Variants in SCNN1B observed in about 807,000 individuals in gnomAD.
The protein encoded by SCNN1B is sodium channel epithelial 1 subunit beta.
Under a neutral mutation model 65.3 loss-of-function variants are expected in SCNN1B, and 46 were observed. That is an observed-to-expected ratio of 0.70 (90% CI 0.56 to 0.90). The LOEUF (loss-of-function observed/expected upper bound fraction) is 0.90, where lower values mean the gene tolerates loss of function less well. Among genes scored for constraint, SCNN1B ranks in the 40% least tolerant of loss-of-function variants. The probability of loss-of-function intolerance (pLI) is 0.00; values close to 1 mark genes in which losing one functional copy is unlikely to be tolerated. For missense variants in SCNN1B, 751 were observed against 830.5 expected (o/e 0.90, Z 1.18); for synonymous variants, 349 against 330.6 (o/e 1.06, Z -0.60).
chr16:23,304,069 AC>A (rs1192892479), intron 1 of SCNN1B: 1 of 1,535,824 alleles, frequency 6.5e-7, no homozygotes, highest in East Asian at 2.4e-5. Context: ...GATAATGCCT[AC>A]CGATGGGAAT....
intron 1 of SCNN1B, among the ~76,000 whole-genome samples, chr16:23,333,135 G>GAGGGAGGGAGGGAGGA (rs1596844493): frequency 2.3e-5 from 2 of 88,162 alleles, no homozygotes; most frequent in African/African-American, 1.1e-4. Flanking sequence ...GGGAGGGAGG[G>GAGGGAGGGAGGGAGGA]AGGAAGGAAG....
At chr16:23,373,204 G>A (rs962227409) in intron 7 of SCNN1B, among the ~76,000 whole-genome samples, 4 of 152,220 alleles carry the variant, frequency 2.6e-5, no homozygotes, top group Non-Finnish European at 4.4e-5. Context: ...CTGCAGCCTC[G>A]AACTCTTGGA....
At chr16:23,366,822 C>A (rs753015818) in intron 4 of SCNN1B, among the ~76,000 whole-genome samples, 1 of 152,184 alleles carries the variant, frequency 6.6e-6, no homozygotes, top group Non-Finnish European at 1.5e-5. Flanking sequence ...CCGCTCCCAA[C>A]CTCCTCTTAT....
At chr16:23,310,142 T>C (rs1051183645) in intron 1 of SCNN1B, among the ~76,000 whole-genome samples, 2 of 152,102 alleles carry the variant, frequency 1.3e-5, no homozygotes, top group Admixed American at 6.5e-5. Context: ...TCAGGAAGGC[T>C]GAGGCGAGAG....
chr16:23,287,161 C>T (rs1172555362), intron 2 of SCNN1B, among the ~76,000 whole-genome samples: 5 of 151,688 alleles, frequency 3.3e-5, no homozygotes, highest in South Asian at 2.1e-4. Context: ...CCTACCACCA[C>T]GCCCGGCTAA....
chr16:23,290,757 TTC>T (rs1960911878), intron 2 of SCNN1B, among the ~76,000 whole-genome samples: 3 of 152,212 alleles, frequency 2.0e-5, no homozygotes, highest in Admixed American at 1.3e-4. Flanking sequence ...TAGAAAGGTG[TTC>T]TCTTTTAGTA....
chr16:23,314,259 C>T (rs188319071), intron 1 of SCNN1B, among the ~76,000 whole-genome samples: 409 of 152,118 alleles, frequency 2.7e-3, no homozygotes, highest in African/African-American at 9.7e-3. Flanking sequence ...AACTCCTGGG[C>T]TCACTCAATC....
intron 7 of SCNN1B, among the ~76,000 whole-genome samples, chr16:23,375,531 G>T (rs1465867817): frequency 6.6e-6 from 1 of 152,194 alleles, no homozygotes; most frequent in Non-Finnish European, 1.5e-5. Context: ...CCAGAGACCT[G>T]CTGGGAAGCC....
intron 1 of SCNN1B, among the ~76,000 whole-genome samples, chr16:23,316,452 TCACCATCAC>T (rs1265588991): frequency 6.9e-6 from 1 of 145,264 alleles, no homozygotes; most frequent in African/African-American, 2.6e-5. Flanking sequence ...ATCATCATCA[TCACCATCAC>T]CACCATCACC....
At chr16:23,310,290 C>G (rs1368953439) in intron 1 of SCNN1B, among the ~76,000 whole-genome samples, 1 of 93,004 alleles carries the variant, frequency 1.1e-5, no homozygotes, top group Non-Finnish European at 2.2e-5. Context: ...TCTGCATGAC[C>G]AAAAAAAAAA....
chr16:23,357,514 C>A (rs746959583), intron 4 of SCNN1B, among the ~76,000 whole-genome samples: 1 of 152,148 alleles, frequency 6.6e-6, no homozygotes. Flanking sequence ...ACCCCAGGGG[C>A]GGAGGTTGTA....
chr16:23,291,475 AGT>A (rs71858801), intron 2 of SCNN1B, among the ~76,000 whole-genome samples: 36,861 of 145,192 alleles, frequency 0.25, 4,855 homozygotes, highest in East Asian at 0.36. Flanking sequence ...TGTGTGTGTA[AGT>A]GTGTGTGTGT....
intron 4 of SCNN1B, among the ~76,000 whole-genome samples, chr16:23,357,155 A>T (rs1193711871): frequency 6.6e-6 from 1 of 152,236 alleles, no homozygotes; most frequent in Non-Finnish European, 1.5e-5. Flanking sequence ...CTGAATCTTA[A>T]TGCTATGGGC....
intron 1 of SCNN1B, among the ~76,000 whole-genome samples, chr16:23,279,071 T>TGG (rs1367691917): frequency 7.3e-6 from 1 of 137,478 alleles, no homozygotes; most frequent in African/African-American, 3.2e-5. Flanking sequence ...TTTGTGTGTG[T>TGG]GGGGTGTGTG....
At chr16:23,354,528 A>G (rs1217175716) in intron 3 of SCNN1B, among the ~76,000 whole-genome samples, 2 of 152,222 alleles carry the variant, frequency 1.3e-5, no homozygotes, top group African/African-American at 4.8e-5. Flanking sequence ...GCCGGATGTG[A>G]CCAGATGGAA....
rs570594290 is a variant in SCNN1B at position 23,365,806 on chromosome 16, C to T, written c.777-2050C>T. 1.1e-4 allele frequency among the ~76,000 whole-genome samples: 16 copies of T among 152,298 alleles called. No homozygotes were observed. In the South Asian group the frequency reaches 1.9e-3, roughly 18 times the overall value. On this transcript the variant is annotated intron_variant, in intron 4 of 12. Coordinates refer to ENST00000343070, the MANE Select transcript of SCNN1B (RefSeq NM_000336.3). ...GGTTTCTTCCTGCTTCCCCTTGCAC[C>T]GTTGAGGAAACCCAAGCTCAGAGGT...
chr16:23,343,475 A>AAAGAAAGGAAGGAAGGAAGGAAGGAAGG (rs1962097263), intron 1 of SCNN1B, among the ~76,000 whole-genome samples: 1 of 113,072 alleles, frequency 8.8e-6, no homozygotes, highest in African/African-American at 5.5e-5. Flanking sequence ...GAAAAGAAAG[A>AAAGAAAGGAAGGAAGGAAGGAAGGAAGG]AAGGAAGGAA....
intron 2 of SCNN1B, among the ~76,000 whole-genome samples, chr16:23,285,517 G>T (rs983261531): frequency 2.0e-5 from 3 of 152,078 alleles, no homozygotes; most frequent in African/African-American, 7.2e-5. Flanking sequence ...AGGCATGGTG[G>T]CTTATATGTG....
chr16:23,343,832 C>CT (rs1356427911), intron 1 of SCNN1B, among the ~76,000 whole-genome samples: 1 of 152,206 alleles, frequency 6.6e-6, no homozygotes, highest in African/African-American at 2.4e-5. Flanking sequence ...TTAGTCTCTA[C>CT]TTTACTTGTT....
Sources: gnomAD v4.1 joint callset for allele counts (sites outside exome capture counted in the v4.1 genomes callset) on GRCh38, gnomAD v4.1.1 for gene constraint, MANE v1.5 for transcripts, NCBI Gene and HGNC (gene_info 2026-07-23, HGNC 2026-07-21) for gene names.